UBE2R2: variants seen among roughly 807,000 people sequenced by gnomAD.
UBE2R2 encodes the protein ubiquitin conjugating enzyme E2 R2.
A neutral mutation model predicts 27.8 loss-of-function variants in UBE2R2; 1 was observed. The ratio of observed to expected loss-of-function variants is 0.04; its 90% CI spans 0.01 to 0.17. The LOEUF is 0.17. Among genes scored for constraint, UBE2R2 ranks in the 10% least tolerant of loss-of-function variants. The pLI is 1.00. For missense variants in UBE2R2, 100 were observed against 291.0 expected (o/e 0.34, Z 4.78); for synonymous variants, 106 against 113.3 (o/e 0.94, Z 0.41).
At chr9:33,869,465 A>G (rs543717180) in intron 1 of UBE2R2, among the ~76,000 whole-genome samples, 1 of 130,622 alleles carries the variant, frequency 7.7e-6, no homozygotes, top group Non-Finnish European at 1.7e-5. Flanking sequence ...ATTTATTTTG[A>G]GACAGAGTTT....
chr9:33,863,495 T>C (rs945142509), intron 1 of UBE2R2, among the ~76,000 whole-genome samples: 5 of 150,632 alleles, frequency 3.3e-5, no homozygotes, highest in Admixed American at 2.7e-4. Flanking sequence ...TACTTCAGCC[T>C]GGGGGACAGA....
intron 1 of UBE2R2, among the ~76,000 whole-genome samples, chr9:33,855,820 G>A (rs1821088843): frequency 6.6e-6 from 1 of 152,236 alleles, no homozygotes; most frequent in Non-Finnish European, 1.5e-5. Context: ...CCTCATGCCT[G>A]TAATCCCAGC....
chr9:33,832,138 G>A (rs7873728), intron 1 of UBE2R2, among the ~76,000 whole-genome samples: 66 of 149,424 alleles, frequency 4.4e-4, no homozygotes, highest in African/African-American at 1.5e-3. Context: ...GAGAAACCCC[G>A]TCTCTACTAA....
At position 33,850,546 on chromosome 9, in the gene UBE2R2, T is replaced by C. The variant is rs530193022; in HGVS notation, c.177+32612T>C. Among the ~76,000 whole-genome samples the C allele has an allele frequency of 8.5e-5, 13 of 152,276 alleles. No homozygotes were observed. The South Asian group carries it at 1.2e-3, about 15-fold the overall frequency. ...ATACCAAGTTTCATCTGTGTCCTTA[T>C]GGCTGATAACTGACTTGCATATCTA... On this transcript the variant is annotated intron_variant, in intron 1 of 4. Transcript: ENST00000263228.
At chr9:33,896,667 C>T (rs891999088) in intron 2 of UBE2R2, among the ~76,000 whole-genome samples, 1 of 149,498 alleles carries the variant, frequency 6.7e-6, no homozygotes, top group African/African-American at 2.5e-5. Flanking sequence ...CCAGGATGGT[C>T]TTGATCTCCT....
intron 1 of UBE2R2, among the ~76,000 whole-genome samples, chr9:33,827,641 A>T (rs1029984024): frequency 1.3e-4 from 16 of 122,456 alleles, no homozygotes; most frequent in East Asian, 4.7e-4. Flanking sequence ...AATTCCATCT[A>T]AAAAAAAAAA....
intron 2 of UBE2R2, among the ~76,000 whole-genome samples, chr9:33,896,386 G>T (rs1822104978): frequency 6.6e-6 from 1 of 151,952 alleles, no homozygotes; most frequent in Non-Finnish European, 1.5e-5. Flanking sequence ...GATCTTAGGA[G>T]TAAAGCTTTT....
chr9:33,907,239 G>A (rs932028261), intron 3 of UBE2R2, among the ~76,000 whole-genome samples: 2 of 152,138 alleles, frequency 1.3e-5, no homozygotes, highest in Non-Finnish European at 2.9e-5. Flanking sequence ...TCTGAAATAT[G>A]AACCTCAAGA....
At chr9:33,867,831 A>T (rs1001821921) in intron 1 of UBE2R2, among the ~76,000 whole-genome samples, 1 of 152,138 alleles carries the variant, frequency 6.6e-6, no homozygotes, top group African/African-American at 2.4e-5. Flanking sequence ...AGGCAGGAGA[A>T]TTGCTTGAAC....
At chr9:33,822,644 C>T (rs537960731) in intron 1 of UBE2R2, among the ~76,000 whole-genome samples, 3 of 150,988 alleles carry the variant, frequency 2.0e-5, no homozygotes, top group South Asian at 2.1e-4. Context: ...AGGCTGGTCT[C>T]GAACTCCTGG....
intron 1 of UBE2R2, among the ~76,000 whole-genome samples, chr9:33,869,451 A>ATTTG (rs965745690): frequency 1.1e-4 from 16 of 150,338 alleles, no homozygotes; most frequent in African/African-American, 4.0e-4. Flanking sequence ...TTATTTATTT[A>ATTTG]TTTATTTATT....
chr9:33,869,443 A>ATTTATTTATTTG (rs1477424376), intron 1 of UBE2R2, among the ~76,000 whole-genome samples: 36 of 151,226 alleles, frequency 2.4e-4, no homozygotes, highest in African/African-American at 8.7e-4. Context: ...TTATTTATTT[A>ATTTATTTATTTG]TTTATTTATT....
intron 1 of UBE2R2, among the ~76,000 whole-genome samples, chr9:33,832,606 C>T (rs10115960): frequency 0.27 from 39,968 of 150,494 alleles, 5,486 homozygotes; most frequent in South Asian, 0.4. Context: ...GCGGTGAGAG[C>T]CGAGATTGTG....
At chr9:33,884,564 C>CA (rs1821815640) in intron 1 of UBE2R2, among the ~76,000 whole-genome samples, 2 of 152,096 alleles carry the variant, frequency 1.3e-5, no homozygotes, top group Non-Finnish European at 2.9e-5. Context: ...AGGCATGAGC[C>CA]ACCACTTTTT....
intron 4 of UBE2R2, 23 bp downstream of exon 4, chr9:33,912,121 C>A: frequency 1.3e-6 from 2 of 1,591,130 alleles, no homozygotes; most frequent in Admixed American, 1.7e-5. Flanking sequence ...TTTTTATTAC[C>A]TCAAGTTATA....
At chr9:33,878,191 A>T (rs1358260293) in intron 1 of UBE2R2, among the ~76,000 whole-genome samples, 1 of 152,220 alleles carries the variant, frequency 6.6e-6, no homozygotes, top group Admixed American at 6.5e-5. Context: ...GGAAACTGAG[A>T]TATAAATTAA....
intron 1 of UBE2R2, among the ~76,000 whole-genome samples, chr9:33,841,310 C>A (rs1015459294): frequency 1.3e-5 from 2 of 152,272 alleles, no homozygotes; most frequent in Admixed American, 6.5e-5. Context: ...GAACTCCTGA[C>A]CTCAGGTGTT....
chr9:33,827,504 G>T (rs1373676565), intron 1 of UBE2R2, among the ~76,000 whole-genome samples: 8 of 152,092 alleles, frequency 5.3e-5, no homozygotes, highest in Admixed American at 4.6e-4. Flanking sequence ...AGCCTGGTGT[G>T]GTGGCGCACG....
intron 1 of UBE2R2, among the ~76,000 whole-genome samples, chr9:33,881,217 T>C (rs900003956): frequency 6.6e-6 from 1 of 152,230 alleles, no homozygotes; most frequent in African/African-American, 2.4e-5. Context: ...GTATACTTTC[T>C]CTGTTATTCA....
Sources: allele counts gnomAD v4.1 joint callset (sites outside exome capture counted in the v4.1 genomes callset), GRCh38; gene constraint gnomAD v4.1.1; transcripts MANE v1.5; gene names NCBI Gene and HGNC (gene_info 2026-07-23, HGNC 2026-07-21).